Variants in KCNQ3 observed in about 807,000 individuals in gnomAD.
The protein encoded by KCNQ3 is potassium voltage-gated channel subfamily Q member 3.
A neutral mutation model predicts 92.5 loss-of-function variants in KCNQ3; 30 were observed. The ratio of observed to expected loss-of-function variants is 0.32; its 90% CI spans 0.24 to 0.44. The LOEUF is 0.44. KCNQ3 is among the 20% of genes least tolerant of loss of function. The probability of loss-of-function intolerance (pLI) is 1.00; values close to 1 mark genes in which losing one functional copy is unlikely to be tolerated. For missense variants in KCNQ3, 913 were observed against 1,140.3 expected, an observed-to-expected ratio of 0.80 and a Z score of 2.87; for synonymous variants, 450 against 468.8, an observed-to-expected ratio of 0.96 and a Z score of 0.52.
chr8:132,282,700 G>A (rs1272834618), intron 1 of KCNQ3, among the ~76,000 whole-genome samples: 1 of 152,332 alleles, frequency 6.6e-6, no homozygotes, highest in Non-Finnish European at 1.5e-5. Flanking sequence ...TAGGCACAAA[G>A]GCAGGTGCCA....
At chr8:132,479,249 G>A (rs1455762805) in intron 1 of KCNQ3, among the ~76,000 whole-genome samples, 1 of 152,014 alleles carries the variant, frequency 6.6e-6, no homozygotes. Flanking sequence ...TCTTCCTTCT[G>A]GCCATGCATT....
Position 132,160,092 on chromosome 8 carries a change from C to A in KCNQ3, c.1262+3376G>T, listed in dbSNP as rs188508281. 3.1e-3 allele frequency among the ~76,000 whole-genome samples: 479 copies of A among 152,238 alleles called. 1 individual carries two copies. Among genetic ancestry groups the A allele is most frequent in the Non-Finnish European group, 4.5e-3 (304 of 68,028 alleles). On this transcript the variant is annotated intron_variant, in intron 9 of 14. Transcript: ENST00000388996. ...AGAGACAGGGTCAGGGGCAGAGGGTCAGGAAAAATCTCTCTTGGGAGGTGA... is the reference window on the plus strand; with the variant it reads ...AGAGACAGGGTCAGGGGCAGAGGGTAAGGAAAAATCTCTCTTGGGAGGTGA...
Position 132,125,860 on chromosome 8 carries a change from C to T in KCNQ3, c.*3402G>A, listed in dbSNP as rs1217407883. 1.3e-5 allele frequency: 2 copies of T among 152,144 alleles called. No individual in the cohort carries two copies. Among genetic ancestry groups the T allele is most frequent in the African/African-American group, 2.4e-5 (1 of 41,432 alleles). The allele number at this position is 152,144 out of a possible 1,614,324, so 9.4% of individuals were successfully genotyped here. On this transcript the variant is annotated 3_prime_UTR_variant, in exon 15 of 15. Transcript: ENST00000388996. ...CTAAAAACAAAGTTATTCAACAACA[C>T]TTTCTCAATTTGATGTGTTTTTCTT...
chr8:132,398,503 A>G (rs1820252704), intron 1 of KCNQ3, among the ~76,000 whole-genome samples: 1 of 152,228 alleles, frequency 6.6e-6, no homozygotes, highest in Non-Finnish European at 1.5e-5. Context: ...TCTGCCAAAT[A>G]AAAATCTCAA....
At chr8:132,327,558 G>T (rs559030076) in intron 1 of KCNQ3, among the ~76,000 whole-genome samples, 1 of 152,268 alleles carries the variant, frequency 6.6e-6, no homozygotes, top group South Asian at 2.1e-4. Flanking sequence ...GTGCCCATCT[G>T]CATAGGGGAA....
chr8:132,425,421 G>C (rs552452183), intron 1 of KCNQ3, among the ~76,000 whole-genome samples: 7 of 152,110 alleles, frequency 4.6e-5, no homozygotes, highest in Admixed American at 2.6e-4. Context: ...GTAATAATAC[G>C]ATCTGCATTG....
At chr8:132,155,305 T>C (rs897887729) in intron 9 of KCNQ3, among the ~76,000 whole-genome samples, 9 of 152,026 alleles carry the variant, frequency 5.9e-5, no homozygotes, top group Admixed American at 5.9e-4. Flanking sequence ...GAGGATAGAA[T>C]GAAGAAAGGA....
chr8:132,315,804 A>G (rs1817727001), intron 1 of KCNQ3, among the ~76,000 whole-genome samples: 1 of 152,128 alleles, frequency 6.6e-6, no homozygotes, highest in South Asian at 2.1e-4. Context: ...AAATGAGGCC[A>G]CTCTATGTAT....
At chr8:132,472,055 A>G (rs563217465) in intron 1 of KCNQ3, among the ~76,000 whole-genome samples, 60 of 152,310 alleles carry the variant, frequency 3.9e-4, no homozygotes, top group African/African-American at 1.3e-3. Context: ...CAAAACCACA[A>G]TGAGATATCA....
chr8:132,359,177 G>A (rs1420199298), intron 1 of KCNQ3, among the ~76,000 whole-genome samples: 3 of 150,324 alleles, frequency 2.0e-5, no homozygotes, highest in South Asian at 2.1e-4. Flanking sequence ...ACAGTTTAAC[G>A]GTAGTGGGGT....
chr8:132,379,501 A>G (rs1170987485), intron 1 of KCNQ3, among the ~76,000 whole-genome samples: 1 of 152,188 alleles, frequency 6.6e-6, no homozygotes, highest in Non-Finnish European at 1.5e-5. Flanking sequence ...TAACATGCAC[A>G]GCTACCCTCC....
At chr8:132,192,037 G>T (rs1827177335) in intron 1 of KCNQ3, among the ~76,000 whole-genome samples, 1 of 152,308 alleles carries the variant, frequency 6.6e-6, no homozygotes, top group African/African-American at 2.4e-5. Context: ...TAAATTTAAG[G>T]CTTAGGGGAA....
chr8:132,284,921 T>A (rs748722948), intron 1 of KCNQ3, among the ~76,000 whole-genome samples: 7 of 152,242 alleles, frequency 4.6e-5, no homozygotes, highest in Non-Finnish European at 1.0e-4. Context: ...TTGCATGCAC[T>A]TGCTTGCTCT....
chr8:132,388,436 C>T (rs912161554), intron 1 of KCNQ3, among the ~76,000 whole-genome samples: 3 of 151,868 alleles, frequency 2.0e-5, no homozygotes, highest in African/African-American at 7.3e-5. Context: ...TGTACAAGTT[C>T]AACAATAGGG....
At chr8:132,266,441 G>A (rs555507972) in intron 1 of KCNQ3, among the ~76,000 whole-genome samples, 12 of 152,214 alleles carry the variant, frequency 7.9e-5, no homozygotes, top group Non-Finnish European at 1.6e-4. Flanking sequence ...TTTTGCAGAC[G>A]GGAAAATGGG....
intron 1 of KCNQ3, among the ~76,000 whole-genome samples, chr8:132,462,328 T>C (rs2130859133): frequency 6.6e-6 from 1 of 152,250 alleles, no homozygotes; most frequent in African/African-American, 2.4e-5. Context: ...TAGCTGGGAT[T>C]ACAGGTGCCC....
intron 1 of KCNQ3, among the ~76,000 whole-genome samples, chr8:132,318,937 G>C (rs988244592): frequency 6.6e-6 from 1 of 152,190 alleles, no homozygotes; most frequent in African/African-American, 2.4e-5. Flanking sequence ...GCAGGAAGCT[G>C]CCCAAGGTTG....
intron 1 of KCNQ3, among the ~76,000 whole-genome samples, chr8:132,211,675 G>A (rs1035655708): frequency 6.6e-5 from 10 of 151,896 alleles, no homozygotes; most frequent in African/African-American, 1.9e-4. Flanking sequence ...TCTTTTGGAC[G>A]GGCATGGTGG....
intron 1 of KCNQ3, among the ~76,000 whole-genome samples, chr8:132,423,657 G>A (rs917934458): frequency 2.0e-5 from 3 of 152,214 alleles, no homozygotes; most frequent in Admixed American, 2.0e-4. Context: ...TATCCCCACT[G>A]TGCAGTTGGG....
Sources: allele counts gnomAD v4.1 joint callset (sites outside exome capture counted in the v4.1 genomes callset), GRCh38; gene constraint gnomAD v4.1.1; transcripts MANE v1.5; gene names NCBI Gene and HGNC (gene_info 2026-07-23, HGNC 2026-07-21).